Variants in FOXP1 observed in about 807,000 individuals in gnomAD.
The protein encoded by FOXP1 is forkhead box P1, also known as forkhead box protein P1.
In FOXP1, 15 loss-of-function variants were observed where a neutral mutation model predicts 98.2. The observed-to-expected ratio is 0.15, with a 90% CI of 0.10 to 0.24. The LOEUF is 0.24. Among genes scored for constraint, FOXP1 ranks in the 10% least tolerant of loss-of-function variants. The pLI is 1.00. For synonymous variants in FOXP1, 371 were observed against 314.5 expected, an observed-to-expected ratio of 1.18 and a Z score of -1.90; for missense variants, 633 against 848.5, an observed-to-expected ratio of 0.75 and a Z score of 3.15.
At chr3:71,291,970 G>C (rs112566401) in intron 5 of FOXP1, among the ~76,000 whole-genome samples, 32,624 of 151,952 alleles carry the variant, frequency 0.21, 3,802 homozygotes, top group Middle Eastern at 0.28. Context: ...CTCCCAAAGT[G>C]CTGGGATTAC....
intron 6 of FOXP1, among the ~76,000 whole-genome samples, chr3:71,154,515 A>G (rs2060726115): frequency 6.6e-6 from 1 of 152,226 alleles, no homozygotes; most frequent in African/African-American, 2.4e-5. Context: ...ATAGATGTCC[A>G]TGAAAGCCAG....
chr3:71,300,403 T>C (rs969677805), intron 4 of FOXP1, among the ~76,000 whole-genome samples: 5 of 152,174 alleles, frequency 3.3e-5, no homozygotes, highest in African/African-American at 9.7e-5. Context: ...GGGAGTTAAT[T>C]GCTGGCGAAA....
intron 3 of FOXP1, among the ~76,000 whole-genome samples, chr3:71,465,846 C>T (rs1453151671): frequency 6.6e-6 from 1 of 152,144 alleles, no homozygotes; most frequent in South Asian, 2.1e-4. Flanking sequence ...ACATCAGCAG[C>T]GGCATTGGAT....
intron 3 of FOXP1, among the ~76,000 whole-genome samples, chr3:71,388,838 T>A (rs1388434210): frequency 6.6e-6 from 1 of 152,176 alleles, no homozygotes; most frequent in Non-Finnish European, 1.5e-5. Flanking sequence ...TGTCCCTAGC[T>A]ATTCATCACA....
At chr3:70,987,781 G>A (rs1291770677) in intron 14 of FOXP1, among the ~76,000 whole-genome samples, 1 of 152,146 alleles carries the variant, frequency 6.6e-6, no homozygotes, top group Non-Finnish European at 1.5e-5. Context: ...TATGGGCAAG[G>A]ACCATATCTG....
chr3:71,558,994 C>T (rs1360378479), intron 2 of FOXP1, among the ~76,000 whole-genome samples: 2 of 151,878 alleles, frequency 1.3e-5, no homozygotes, highest in African/African-American at 2.4e-5. Context: ...TTAGTAGAGA[C>T]GGGGTTTCAC....
At chr3:71,154,099 T>TC (rs991417477) in intron 6 of FOXP1, among the ~76,000 whole-genome samples, 1 of 150,426 alleles carries the variant, frequency 6.6e-6, no homozygotes, top group Admixed American at 6.6e-5. Flanking sequence ...TCTTCTTCTT[T>TC]TTTTTTGCAA....
chr3:71,432,911 C>T (rs535460104), intron 3 of FOXP1, among the ~76,000 whole-genome samples: 1 of 147,250 alleles, frequency 6.8e-6, no homozygotes, highest in South Asian at 2.2e-4. Context: ...CTATTCTTTG[C>T]AATGTTTCCA....
chr3:70,997,377 C>T (rs116016427), intron 13 of FOXP1, among the ~76,000 whole-genome samples: 6 of 152,054 alleles, frequency 3.9e-5, no homozygotes, highest in African/African-American at 7.2e-5. Context: ...TGCTGAACTG[C>T]GGAGAAGGAG....
chr3:71,044,253 A>G (rs2048728860), intron 10 of FOXP1, among the ~76,000 whole-genome samples: 1 of 152,232 alleles, frequency 6.6e-6, no homozygotes, highest in South Asian at 2.1e-4. Flanking sequence ...GACTAAGAAT[A>G]ATAGTACGAA....
chr3:71,250,853 C>A (rs1164716482), intron 5 of FOXP1, among the ~76,000 whole-genome samples: 2 of 152,256 alleles, frequency 1.3e-5, no homozygotes, highest in Non-Finnish European at 2.9e-5. Context: ...ATCGCTTGAA[C>A]CCAGGAGGCG....
At chr3:71,047,765 T>C (rs1294340267) in intron 9 of FOXP1, among the ~76,000 whole-genome samples, 1 of 152,200 alleles carries the variant, frequency 6.6e-6, no homozygotes, top group African/African-American at 2.4e-5. Flanking sequence ...TAACATGGCT[T>C]TAGTCTCAGA....
intron 3 of FOXP1, among the ~76,000 whole-genome samples, chr3:71,414,721 C>A (rs776560723): frequency 6.6e-6 from 1 of 152,202 alleles, no homozygotes; most frequent in Non-Finnish European, 1.5e-5. Flanking sequence ...CTCTTAGGAG[C>A]CTTGCTGGGA....
intron 5 of FOXP1, among the ~76,000 whole-genome samples, chr3:71,248,876 A>G (rs1254147631): frequency 6.6e-6 from 1 of 152,182 alleles, no homozygotes; most frequent in African/African-American, 2.4e-5. Flanking sequence ...GGTTCACACA[A>G]TAGGCCTCAG....
At chr3:71,444,370 A>AT (rs397947125) in intron 3 of FOXP1, among the ~76,000 whole-genome samples, 1,750 of 142,990 alleles carry the variant, frequency 0.012, 18 homozygotes, top group African/African-American at 0.034. Context: ...ACAATCAAGG[A>AT]TTTTTTTTTT....
chr3:71,120,310 C>T (rs2058669139), intron 6 of FOXP1, among the ~76,000 whole-genome samples: 1 of 152,174 alleles, frequency 6.6e-6, no homozygotes, highest in Admixed American at 6.5e-5. Context: ...AGTCTTACAT[C>T]AACTGGGATA....
At chr3:71,272,947 C>T (rs1014043743) in intron 5 of FOXP1, among the ~76,000 whole-genome samples, 1 of 152,158 alleles carries the variant, frequency 6.6e-6, no homozygotes, top group African/African-American at 2.4e-5. Flanking sequence ...GGTGCAGCAT[C>T]TGGAGAAGGG....
At chr3:71,047,499 C>A (rs60952715) in intron 9 of FOXP1, among the ~76,000 whole-genome samples, 10,387 of 152,234 alleles carry the variant, frequency 0.068, 479 homozygotes, top group East Asian at 0.11. Context: ...TGCCTCCCTC[C>A]CTGCCTGCAC....
chr3:70,994,729 C>A (rs2041121761), intron 13 of FOXP1, among the ~76,000 whole-genome samples: 1 of 152,210 alleles, frequency 6.6e-6, no homozygotes, highest in South Asian at 2.1e-4. Context: ...ACCTCCACCC[C>A]CGTCGCCTGC....
Sources: allele counts gnomAD v4.1 joint callset (sites outside exome capture counted in the v4.1 genomes callset), GRCh38; gene constraint gnomAD v4.1.1; transcripts MANE v1.5; gene names NCBI Gene and HGNC (gene_info 2026-07-23, HGNC 2026-07-21).